Variants in CDK17 observed in about 807,000 individuals in gnomAD.
The protein encoded by CDK17 is cyclin dependent kinase 17, also known as cyclin-dependent kinase 17.
In CDK17, 24 loss-of-function variants were observed where a neutral mutation model predicts 77.6. The ratio of observed to expected loss-of-function variants is 0.31; its 90% CI spans 0.22 to 0.44. The LOEUF is 0.44. Among genes scored for constraint, CDK17 ranks in the 20% least tolerant of loss-of-function variants. CDK17 has a pLI of 1.00. For synonymous variants in CDK17, 203 were observed against 210.4 expected (o/e 0.96, Z 0.30); for missense variants, 429 against 622.5 (o/e 0.69, Z 3.31).
intron 1 of CDK17, among the ~76,000 whole-genome samples, chr12:96,395,016 C>T (rs1163548404): frequency 6.6e-6 from 1 of 151,842 alleles, no homozygotes; most frequent in African/African-American, 2.4e-5. Context: ...GCTGGGATTA[C>T]AGGCATGCAC....
chr12:96,317,821 C>T (rs953047241), intron 3 of CDK17, among the ~76,000 whole-genome samples: 24 of 150,510 alleles, frequency 1.6e-4, no homozygotes, highest in African/African-American at 3.4e-4. Context: ...AAAGGAACAA[C>T]TGGTACCAGC....
intron 1 of CDK17, among the ~76,000 whole-genome samples, chr12:96,379,371 G>C (rs970909829): frequency 1.3e-5 from 2 of 152,064 alleles, no homozygotes; most frequent in Non-Finnish European, 2.9e-5. Flanking sequence ...TTGATTATAA[G>C]ATATGCTGAT....
chr12:96,281,016 T>C (rs1952172660), intron 15 of CDK17, 131 bp from the exon 16 acceptor site: 1 of 757,436 alleles, frequency 1.3e-6, no homozygotes, highest in South Asian at 2.2e-5. Flanking sequence ...ATAGCCCTGC[T>C]GAAATTTTTC....
chr12:96,310,290 C>T (rs1258372801), intron 5 of CDK17, among the ~76,000 whole-genome samples: 1 of 151,810 alleles, frequency 6.6e-6, no homozygotes, highest in African/African-American at 2.4e-5. Context: ...TATATACAAA[C>T]TTTGTATAAG....
chr12:96,312,614 A>C (rs923022713), intron 4 of CDK17, among the ~76,000 whole-genome samples: 1 of 152,214 alleles, frequency 6.6e-6, no homozygotes, highest in Non-Finnish European at 1.5e-5. Context: ...CTTAATCATC[A>C]TCTCAACAGC....
chr12:96,308,075 C>A (rs1196474980), intron 5 of CDK17, among the ~76,000 whole-genome samples: 1 of 151,724 alleles, frequency 6.6e-6, no homozygotes, highest in East Asian at 1.9e-4. Flanking sequence ...ATTTTGTAGA[C>A]TATCTAACTA....
At chr12:96,377,051 TC>T (rs894788627) in intron 1 of CDK17, among the ~76,000 whole-genome samples, 1 of 152,190 alleles carries the variant, frequency 6.6e-6, no homozygotes, top group African/African-American at 2.4e-5. Flanking sequence ...TTACTATAAG[TC>T]ATCTGAATCA....
chr12:96,394,726 G>T (rs926663663), intron 1 of CDK17, among the ~76,000 whole-genome samples: 1 of 147,692 alleles, frequency 6.8e-6, no homozygotes, highest in Non-Finnish European at 1.5e-5. Context: ...GCTGAGGCAC[G>T]AGAATAGCTT....
intron 3 of CDK17, among the ~76,000 whole-genome samples, chr12:96,316,198 C>T (rs549440588): frequency 2.0e-5 from 3 of 152,074 alleles, no homozygotes; most frequent in Admixed American, 6.5e-5. Flanking sequence ...GGGTGACGGA[C>T]GCACCTGGAA....
In CDK17 at chr12:96,324,012, T is replaced by C. The variant is rs770878283; in HGVS notation, c.219A>G (p.Pro73=). The C allele has an allele frequency of 6.8e-6, 11 of 1,611,786 alleles. No individual in the cohort carries two copies. In the South Asian group the frequency reaches 1.1e-4, roughly 16 times the overall value. ...CAAGGCTCCCTCCAATAACACTGTG[T>C]GGTCTCCGCAATGGGGGCTTCTTGA... ...GSFKKPPLRR[P]HSVIGGSLGS... is the part of the protein sequence containing the mutation. Residue 73 remains proline (P), a synonymous_variant, in exon 3 of 17, where the codon CCA becomes CCG. Coordinates refer to ENST00000261211, the MANE Select transcript of CDK17 (RefSeq NM_002595.5).
rs76580584 is a variant in CDK17 at position 96,339,843 on chromosome 12, C to G, written c.-29-4978G>C. Among the ~76,000 whole-genome samples, 1,204 of 152,100 alleles carry G rather than the reference C, an allele frequency of 7.9e-3. 16 individuals are homozygous for G. The highest frequency in any genetic ancestry group is 0.028 in the African/African-American group (1,157 of 41,496). On this transcript the variant is annotated intron_variant, in intron 1 of 16. Coordinates refer to ENST00000261211, the MANE Select transcript of CDK17 (RefSeq NM_002595.5). ...TACTTGGGCTGAGGCATAAGAATCA[C>G]TTGATCCCAGGGGGCAGAGGTTGCA... is the stretch of plus-strand genomic sequence containing the variant.
intron 1 of CDK17, among the ~76,000 whole-genome samples, chr12:96,383,404 G>GGAAA (rs1555207361): frequency 3.6e-5 from 5 of 137,142 alleles, no homozygotes; most frequent in Non-Finnish European, 7.9e-5. Flanking sequence ...AAAATTAGAA[G>GGAAA]AAAAAAAAAA....
Position 96,283,591 on chromosome 12 carries a change from G to C in CDK17, c.1365+12C>G. 2 of 1,558,350 alleles carry C rather than the reference G, an allele frequency of 1.3e-6. No homozygotes were observed. Among genetic ancestry groups the C allele is most frequent in the Non-Finnish European group, 1.8e-6 (2 of 1,131,420 alleles). ...ACAACCTATTTAACAATTACTGTAA[G>C]AACTGACTTACCTGAAGAAATTTTG... On this transcript the variant is annotated intron_variant, in intron 14 of 16. Coordinates refer to ENST00000261211, the MANE Select transcript of CDK17 (RefSeq NM_002595.5).
Position 96,279,943 on chromosome 12 carries a change from A to G in CDK17, c.*299T>C. On this transcript the variant is annotated 3_prime_UTR_variant, in exon 17 of 17. Transcript: ENST00000261211. ...TTTAGCAGCAATGATTCCGCAATAA[A>G]TAATGCACTGTGTTTCTCAGTCCTG... 2 of 290,982 alleles carry G rather than the reference A, an allele frequency of 6.9e-6. No homozygotes were observed. Among genetic ancestry groups the G allele is most frequent in the Non-Finnish European group, 1.3e-5 (2 of 158,268 alleles). 18.0% of individuals were successfully genotyped at this position (290,982 alleles called of 1,614,324 possible).
rs907194762 is a variant in CDK17 at position 96,323,837 on chromosome 12, A to G, written c.283+111T>C. The G allele has an allele frequency of 2.6e-5, 19 of 742,152 alleles. No homozygotes were observed. In the South Asian group the frequency reaches 5.8e-4, roughly 23 times the overall value. The allele number at this position is 742,152 out of a possible 1,614,324, so 46.0% of individuals were successfully genotyped here. A position where few individuals can be genotyped will look rare whatever the true frequency, so the allele number is the denominator to read the frequency against. ...TGCTATTCCTCTTGATCTCAACTTG[A>G]TTTTTATCTGACAGAAGAAACGAGA... On this transcript the variant is annotated intron_variant, in intron 3 of 16. Transcript: ENST00000261211.
chr12:96,309,696 T>C (rs549625009), intron 5 of CDK17, among the ~76,000 whole-genome samples: 114 of 151,958 alleles, frequency 7.5e-4, no homozygotes, highest in Non-Finnish European at 1.2e-3. Flanking sequence ...AAAGAGAGTA[T>C]CTAAATATAA....
chr12:96,296,461 C>T (rs1592710389), intron 9 of CDK17, among the ~76,000 whole-genome samples: 1 of 152,206 alleles, frequency 6.6e-6, no homozygotes, highest in Admixed American at 6.5e-5. Context: ...GAAACTGGCT[C>T]TCCTTTATAA....
chr12:96,375,242 G>C (rs1953759270), intron 1 of CDK17, among the ~76,000 whole-genome samples: 1 of 152,108 alleles, frequency 6.6e-6, no homozygotes, highest in African/African-American at 2.4e-5. Flanking sequence ...TATAATTATA[G>C]GAGTTTGACC....
At chr12:96,363,683 T>C (rs1252676357) in intron 1 of CDK17, among the ~76,000 whole-genome samples, 1 of 151,318 alleles carries the variant, frequency 6.6e-6, no homozygotes, top group African/African-American at 2.4e-5. Context: ...CTGTCTGTAC[T>C]AAAAAAAATA....
Sources: allele counts gnomAD v4.1 joint callset (sites outside exome capture counted in the v4.1 genomes callset), GRCh38; gene constraint gnomAD v4.1.1; transcripts MANE v1.5; gene names NCBI Gene and HGNC (gene_info 2026-07-23, HGNC 2026-07-21).